The following ZFAT variants were observed in gnomAD, a reference collection of about 807,000 sequenced individuals.
ZFAT encodes zinc finger and AT-hook domain containing.
ZFAT carries 64 observed loss-of-function variants against 117.7 expected under a neutral mutation model. That is an observed-to-expected ratio of 0.54 (90% confidence interval 0.44 to 0.67). The LOEUF is 0.67. Among genes scored for constraint, ZFAT ranks in the 30% least tolerant of loss-of-function variants. The pLI is 0.00. For synonymous variants in ZFAT, 679 were observed against 615.0 expected (o/e 1.10, Z -1.54); for missense variants, 1,433 against 1,584.5 (o/e 0.90, Z 1.62).
At chr8:134,749,507 C>T in the ZFAT span, among the ~76,000 whole-genome samples, 3 of 152,164 alleles carry the variant, frequency 2.0e-5, no homozygotes, top group Admixed American at 2.0e-4. Context: ...ATTAATACCA[C>T]TCTTGAGGGT....
intron 15 of ZFAT, among the ~76,000 whole-genome samples, chr8:134,507,712 C>T (rs1160048734): frequency 1.3e-5 from 2 of 152,134 alleles, no homozygotes; most frequent in Non-Finnish European, 2.9e-5. Flanking sequence ...CACTGCATTG[C>T]CTGCGAGGCT....
the ZFAT span, among the ~76,000 whole-genome samples, chr8:134,803,278 A>C: frequency 6.6e-6 from 1 of 152,226 alleles, no homozygotes; most frequent in Non-Finnish European, 1.5e-5. Context: ...AAAATTTTTC[A>C]TAAGAAATAA....
At chr8:134,592,271 A>G (rs1826566845) in intron 7 of ZFAT, among the ~76,000 whole-genome samples, 1 of 152,236 alleles carries the variant, frequency 6.6e-6, no homozygotes, top group African/African-American at 2.4e-5. Flanking sequence ...TAAAAAGCAC[A>G]AGAGCTATCA....
At chr8:134,727,134 G>A in the ZFAT span, among the ~76,000 whole-genome samples, 121,788 of 148,546 alleles carry the variant, frequency 0.82, 49,405 homozygotes, top group Non-Finnish European at 0.85. Context: ...ACGAAGTGGA[G>A]AAAAAAAAAA....
rs912844570 is a variant in ZFAT at position 134,588,519 on chromosome 8, C to A, written c.2564-124G>T. On this transcript the variant is annotated intron_variant, in intron 8 of 15. Coordinates refer to ENST00000377838, the MANE Select transcript of ZFAT (RefSeq NM_020863.4). Reference sequence around the variant, plus strand: ...AGGTGTGCCTCATGGTGTCCAGAGACAGGATTTTCACCTAAAAAGTAAAAC... The same window carrying A: ...AGGTGTGCCTCATGGTGTCCAGAGAAAGGATTTTCACCTAAAAAGTAAAAC... 5 of 1,072,588 alleles carry A rather than the reference C, an allele frequency of 4.7e-6. No homozygotes were observed. The Admixed American group carries it at 1.0e-4, about 22-fold the overall frequency. 66.4% of individuals were successfully genotyped at this position (1,072,588 alleles called of 1,614,324 possible).
At chr8:134,709,782 G>A (rs1813919163) in intron 1 of ZFAT, among the ~76,000 whole-genome samples, 1 of 152,166 alleles carries the variant, frequency 6.6e-6, no homozygotes, top group Non-Finnish European at 1.5e-5. Flanking sequence ...TGCAAGGTAT[G>A]GGGAGAAAAG....
At chr8:134,595,617 G>A (rs1456541011) in intron 7 of ZFAT, among the ~76,000 whole-genome samples, 1 of 152,154 alleles carries the variant, frequency 6.6e-6, no homozygotes. Flanking sequence ...GCACAATGCT[G>A]TTAAAAGTGG....
At chr8:134,527,138 T>C (rs766823877) in intron 12 of ZFAT, among the ~76,000 whole-genome samples, 5 of 152,164 alleles carry the variant, frequency 3.3e-5, no homozygotes, top group Non-Finnish European at 7.4e-5. Flanking sequence ...TGGCCATTTC[T>C]GGCTTTGAAG....
At chr8:134,500,786 T>C (rs1253263978) in intron 15 of ZFAT, among the ~76,000 whole-genome samples, 1 of 152,224 alleles carries the variant, frequency 6.6e-6, no homozygotes. Flanking sequence ...AGTAACCTAT[T>C]GCCAAGACTC....
chr8:134,737,336 C>G, the ZFAT span, among the ~76,000 whole-genome samples: 2 of 152,036 alleles, frequency 1.3e-5, no homozygotes, highest in African/African-American at 4.8e-5. Context: ...TTCTGTTGTA[C>G]TCTCCACAAT....
chr8:134,505,229 C>T (rs943304263), intron 15 of ZFAT, among the ~76,000 whole-genome samples: 1 of 152,196 alleles, frequency 6.6e-6, no homozygotes, highest in Non-Finnish European at 1.5e-5. Context: ...GATATGTTCA[C>T]TGAAATATCC....
chr8:134,736,914 T>C, the ZFAT span, among the ~76,000 whole-genome samples: 1 of 152,120 alleles, frequency 6.6e-6, no homozygotes, highest in Non-Finnish European at 1.5e-5. Flanking sequence ...TTGGATTGTA[T>C]ATAGAGGTTC....
At chr8:134,512,653 C>T (rs1819945892) in intron 13 of ZFAT, 52 bp from the exon 14 acceptor site, 1 of 1,580,950 alleles carries the variant, frequency 6.3e-7, no homozygotes, top group Non-Finnish European at 8.6e-7. Context: ...GACTGTTGCC[C>T]AGAAGTTCCA....
At chr8:134,725,787 T>C in the ZFAT span, among the ~76,000 whole-genome samples, 1 of 151,738 alleles carries the variant, frequency 6.6e-6, no homozygotes, top group Non-Finnish European at 1.5e-5. Context: ...AATTAAGTCA[T>C]TGGTCCTATG....
At chr8:134,608,274 G>GT (rs1365220055) in intron 5 of ZFAT, among the ~76,000 whole-genome samples, 1 of 152,164 alleles carries the variant, frequency 6.6e-6, no homozygotes, top group African/African-American at 2.4e-5. Context: ...TCCAGAAACA[G>GT]TAACTCTAGG....
intron 1 of ZFAT, among the ~76,000 whole-genome samples, chr8:134,700,662 G>A (rs753937511): frequency 1.6e-4 from 25 of 152,182 alleles, no homozygotes; most frequent in Non-Finnish European, 2.9e-4. Context: ...GGGAGGCAGA[G>A]GCTGCGTACC....
the ZFAT span, among the ~76,000 whole-genome samples, chr8:134,789,797 A>T: frequency 2.0e-3 from 310 of 152,304 alleles, no homozygotes; most frequent in Non-Finnish European, 2.1e-3. Context: ...ATCATTCCTG[A>T]TGTCTTTGGT....
At chr8:134,584,066 A>T (rs1215823264) in intron 9 of ZFAT, 61 bp from the exon 10 acceptor site, 1 of 1,467,862 alleles carries the variant, frequency 6.8e-7, no homozygotes, top group Middle Eastern at 1.8e-4. Context: ...ATATGTGTGA[A>T]TCTGAAGGAA....
chr8:134,567,774 C>T (rs2130783526), intron 10 of ZFAT, among the ~76,000 whole-genome samples: 2 of 144,900 alleles, frequency 1.4e-5, no homozygotes, highest in Middle Eastern at 3.4e-3. Context: ...GTTCTCCAAA[C>T]TTTCTGCTTT....
Sources: allele counts gnomAD v4.1 joint callset (sites outside exome capture counted in the v4.1 genomes callset), GRCh38; gene constraint gnomAD v4.1.1; transcripts MANE v1.5; gene names NCBI Gene and HGNC (gene_info 2026-07-23, HGNC 2026-07-21).